RGS20: variants seen among roughly 807,000 people sequenced by gnomAD.
RGS20 encodes gz-selective GTPase-activating protein.
RGS20 carries 30 observed loss-of-function variants against 33.6 expected under a neutral mutation model. The ratio of observed to expected loss-of-function variants is 0.89; its 90% CI spans 0.67 to 1.21. The LOEUF (loss-of-function observed/expected upper bound fraction) is 1.21, where lower values mean the gene tolerates loss of function less well. Ranked by LOEUF, RGS20 falls within the 50% of genes most tolerant of loss-of-function variation. RGS20 has a pLI of 0.00. For synonymous variants in RGS20, 208 were observed against 197.9 expected (o/e 1.05, Z -0.43); for missense variants, 472 against 502.4 (o/e 0.94, Z 0.58).
intron 1 of RGS20, among the ~76,000 whole-genome samples, chr8:53,860,708 C>G (rs1971975): frequency 0.98 from 149,890 of 152,356 alleles, 73,743 homozygotes; most frequent in East Asian, 1. Context: ...GGTCACACCT[C>G]TAATCCCAGC....
Position 53,908,259 on chromosome 8 carries a change from G to C in RGS20, c.510+28657G>C, listed in dbSNP as rs75507484. Among the ~76,000 whole-genome samples, 1,209 of 152,288 alleles carry C rather than the reference G, an allele frequency of 7.9e-3. 17 individuals are homozygous for C. Among genetic ancestry groups the C allele is most frequent in the African/African-American group, 0.028 (1,147 of 41,568 alleles). On this transcript the variant is annotated intron_variant, in intron 2 of 5. Transcript: ENST00000297313. ...AAGGCAGCTATGGAAAGGAAGTCATGAAAGTTAGAAGCAATAGTTGGAATA... is the reference window on the plus strand; with the variant it reads ...AAGGCAGCTATGGAAAGGAAGTCATCAAAGTTAGAAGCAATAGTTGGAATA...
intron 2 of RGS20, among the ~76,000 whole-genome samples, chr8:53,916,464 C>G (rs962203145): frequency 6.6e-5 from 10 of 152,062 alleles, no homozygotes; most frequent in African/African-American, 1.9e-4. Flanking sequence ...AATTTTTTTG[C>G]AACGGTCTGT....
chr8:53,873,093 G>T (rs1812116490), intron 1 of RGS20, among the ~76,000 whole-genome samples: 1 of 151,996 alleles, frequency 6.6e-6, no homozygotes, highest in African/African-American at 2.4e-5. Flanking sequence ...CAGGAGATCT[G>T]GTTGTTTAAA....
At position 53,851,967 on chromosome 8, in the gene RGS20, C is replaced by T. The variant is rs1281352940; in HGVS notation, c.68C>T (p.Thr23Ile). 3.1e-6 allele frequency: 5 copies of T among 1,614,030 alleles called. No individual in the cohort carries two copies. Among genetic ancestry groups the T allele is most frequent in the Non-Finnish European group, 8.5e-7 (1 of 1,180,010 alleles). The change falls in exon 1 of 6, where the codon ACA becomes ATA. Residue 23 changes from threonine (T) to isoleucine (I), a missense_variant. Thr to Ile is a moderately conservative substitution (Grantham distance 89, BLOSUM62 -1). Transcript: ENST00000297313. ...CATTTCTCCAGGCCGTCTATATGGA[C>T]ACAGTTTCTGCCCCTGTTCAGGGCT... is the stretch of plus-strand genomic sequence containing the variant.
rs146520170 is a variant in RGS20, at chr8:53,921,912, G to A, written c.511-17664G>A. 1.2e-3 allele frequency among the ~76,000 whole-genome samples: 178 copies of A among 151,950 alleles called. 4 individuals carry two copies. The East Asian group carries it at 0.03, about 26-fold the overall frequency. On this transcript the variant is annotated intron_variant, in intron 2 of 5. Transcript: ENST00000297313. ...TTTAAATCTGTTGAGGCTGTTTTACGGCCTATTATATGGTCTATTCTGGAG... is the reference window on the plus strand; with the variant it reads ...TTTAAATCTGTTGAGGCTGTTTTACAGCCTATTATATGGTCTATTCTGGAG...
In RGS20 at chr8:53,944,561, G is replaced by C. The variant is rs556669890; in HGVS notation, c.660-2104G>C. The stretch of plus-strand genomic sequence containing the variant: ...TCAAAAAAAAAAAAAAAGTATTTTA[G>C]GTGTTAGCTAATTAGACAAGAAAAT... On this transcript the variant is annotated intron_variant, in intron 3 of 5. Coordinates refer to ENST00000297313, the MANE Select transcript of RGS20 (RefSeq NM_170587.4). 7.7e-4 allele frequency among the ~76,000 whole-genome samples: 116 copies of C among 151,444 alleles called. 1 individual carries two copies. In the South Asian group the frequency reaches 0.019, roughly 25 times the overall value.
chr8:53,860,374 T>C (rs10504158), intron 1 of RGS20, among the ~76,000 whole-genome samples: 10,216 of 152,294 alleles, frequency 0.067, 781 homozygotes, highest in East Asian at 0.32. Context: ...GGATTTATAT[T>C]CAAGTGATAG....
At position 53,885,244 on chromosome 8, in the gene RGS20, C is replaced by G. The variant is rs146741142; in HGVS notation, c.510+5642C>G. ...TTCTTTTATTTCCGCATGTGGGCAT[C>G]TAACCACATTCACCTTCCATGGACA... On this transcript the variant is annotated intron_variant, in intron 2 of 5. Coordinates refer to ENST00000297313, the MANE Select transcript of RGS20 (RefSeq NM_170587.4). Among the ~76,000 whole-genome samples, 55 of 152,346 alleles carry G rather than the reference C, an allele frequency of 3.6e-4. No homozygotes were observed. The East Asian group carries it at 5.6e-3, about 15-fold the overall frequency.
intron 2 of RGS20, 105 bp downstream of exon 1, chr8:53,881,189 AC>A: frequency 1.2e-6 from 1 of 815,448 alleles, no homozygotes; most frequent in African/African-American, 1.9e-5. Context: ...GCTCGTCCGG[AC>A]CTCAGGGTGT....
intron 3 of RGS20, among the ~76,000 whole-genome samples, chr8:53,944,184 C>T (rs949909696): frequency 2.0e-5 from 3 of 152,176 alleles, no homozygotes; most frequent in African/African-American, 4.8e-5. Flanking sequence ...TGATGGGATG[C>T]TGAAAGCATT....
chr8:53,870,262 TAC>T lies in RGS20; in HGVS notation c.166-8976_166-8975del, dbSNP rs112678663. Among the ~76,000 whole-genome samples the T allele has an allele frequency of 3.8e-4, 57 of 149,550 alleles. 1 individual carries two copies. Among genetic ancestry groups the T allele is most frequent in the Admixed American group, 6.0e-4 (9 of 14,968 alleles). On this transcript the variant is annotated intron_variant, in intron 1 of 5. Transcript: ENST00000297313. ...GTCTATGTATACACAGATATGTGTG[TAC>T]ACACACACACACACACACATCTCAT...
chr8:53,870,426 C>T (rs962340121), intron 1 of RGS20, among the ~76,000 whole-genome samples: 1 of 152,222 alleles, frequency 6.6e-6, no homozygotes, highest in South Asian at 2.1e-4. Context: ...GAAGTCTTTA[C>T]AGTCTTCTGT....
intron 1 of RGS20, chr8:53,876,457 C>T (rs549295902): frequency 6.6e-6 from 1 of 152,340 alleles, no homozygotes; most frequent in Non-Finnish European, 1.5e-5. Context: ...GAATACGGTA[C>T]TGATGATTCC....
chr8:53,920,343 A>G (rs1813606547), intron 2 of RGS20, among the ~76,000 whole-genome samples: 2 of 152,126 alleles, frequency 1.3e-5, no homozygotes, highest in African/African-American at 4.8e-5. Context: ...CAGAAATACA[A>G]TTGATTTTTC....
At chr8:53,872,691 A>T (rs1812105572) in intron 1 of RGS20, among the ~76,000 whole-genome samples, 1 of 152,162 alleles carries the variant, frequency 6.6e-6, no homozygotes, top group Admixed American at 6.6e-5. Flanking sequence ...TCTCTCTTAC[A>T]AGCACTTTGA....
chr8:53,904,679 C>T (rs994291285), intron 2 of RGS20, among the ~76,000 whole-genome samples: 1 of 152,102 alleles, frequency 6.6e-6, no homozygotes, highest in East Asian at 1.9e-4. Context: ...TTCAGAGGTG[C>T]CCTGGGCCAA....
chr8:53,863,328 G>A (rs905906006), intron 1 of RGS20, among the ~76,000 whole-genome samples: 4 of 152,170 alleles, frequency 2.6e-5, no homozygotes, highest in African/African-American at 9.7e-5. Context: ...AAGATTCAGA[G>A]CTCATTGCTC....
In RGS20 at chr8:53,872,326, A is replaced by G. The variant is rs917001956; in HGVS notation, c.166-6932A>G. On this transcript the variant is annotated intron_variant, in intron 1 of 5. Transcript: ENST00000297313. ...AGCAGTCTTTAAAGATATAAACTAG[A>G]TGTCTCTCTTGCTGAAAAACCTCTC... Among the ~76,000 whole-genome samples the G allele has an allele frequency of 2.0e-5, 3 of 152,306 alleles. No individual in the cohort carries two copies. In the South Asian group the frequency reaches 6.2e-4, roughly 32 times the overall value.
At position 53,946,722 on chromosome 8, in the gene RGS20, A is replaced by G. The variant is rs150995697; in HGVS notation, c.717A>G (p.Arg239=). 116 of 1,612,960 alleles carry G rather than the reference A, an allele frequency of 7.2e-5. No homozygotes were observed. Among genetic ancestry groups the G allele is most frequent in the Non-Finnish European group, 9.4e-5 (111 of 1,179,522 alleles). The change falls in exon 4 of 6, where the codon AGA becomes AGG. Residue 239 remains arginine, a synonymous_variant. Coordinates refer to ENST00000297313, the MANE Select transcript of RGS20 (RefSeq NM_170587.4). ...CCACAATAGCTTCCCACGAACTCAG[A>G]GCAGATCTTCCAACCTGGGAAGAAA...
Sources: allele counts gnomAD v4.1 joint callset (sites outside exome capture counted in the v4.1 genomes callset), GRCh38; gene constraint gnomAD v4.1.1; transcripts MANE v1.5; gene names NCBI Gene and HGNC (gene_info 2026-07-23, HGNC 2026-07-21).